TOX: variants seen among roughly 807,000 people sequenced by gnomAD.
TOX encodes the protein thymocyte selection associated high mobility group box, also known as thymocyte selection-associated high mobility group box protein TOX.
A neutral mutation model predicts 53.7 loss-of-function variants in TOX; 11 were observed. The ratio of observed to expected loss-of-function variants is 0.20; its 90% confidence interval spans 0.13 to 0.34. The LOEUF (loss-of-function observed/expected upper bound fraction) is 0.34. Ranked by LOEUF, TOX falls within the 10% of genes least tolerant of loss-of-function variation. The probability of loss-of-function intolerance (pLI) is 1.00; values close to 1 mark genes in which losing one functional copy is unlikely to be tolerated. For missense variants in TOX, 570 were observed against 664.6 expected (o/e 0.86, Z 1.56); for synonymous variants, 225 against 245.3 (o/e 0.92, Z 0.77).
chr8:59,075,066 T>C (rs1444628895), intron 1 of TOX, among the ~76,000 whole-genome samples: 1 of 152,036 alleles, frequency 6.6e-6, no homozygotes, highest in Non-Finnish European at 1.5e-5. Flanking sequence ...GTAAGACAAA[T>C]TGACAAAATG....
rs561507729 is a variant in TOX at position 58,937,170 on chromosome 8, G to T, written c.411+2132C>A. Among the ~76,000 whole-genome samples, 4 of 152,192 alleles carry T rather than the reference G, an allele frequency of 2.6e-5. 1 individual carries two copies. Among genetic ancestry groups the T allele is most frequent in the African/African-American group, 9.7e-5 (4 of 41,450 alleles). The stretch of plus-strand genomic sequence containing the variant: ...ATGTAGCTTGAGGGGTACTGGGAAG[G>T]CTTGCCACCCTATGAAAATCCCAAA... On this transcript the variant is annotated intron_variant, in intron 3 of 8. Transcript: ENST00000361421.
chr8:59,027,057 T>C (rs1307085893), intron 1 of TOX, among the ~76,000 whole-genome samples: 1 of 152,162 alleles, frequency 6.6e-6, no homozygotes, highest in Non-Finnish European at 1.5e-5. Flanking sequence ...GTTTGCACCT[T>C]TGCATCCCTT....
chr8:58,808,287 T>C lies in TOX; in HGVS notation c.1393-18A>G, dbSNP rs1481903757. ...GTAAATCCCTGAAAGGGAAAGCAAG[T>C]CCGCAAATAAGGATCAAAATGCATT... On this transcript the variant is annotated intron_variant, in intron 7 of 8. Transcript: ENST00000361421. The C allele has an allele frequency of 5.7e-6, 9 of 1,590,448 alleles. No homozygotes were observed. In the Middle Eastern group the frequency reaches 5.0e-4, roughly 89 times the overall value.
intron 1 of TOX, among the ~76,000 whole-genome samples, chr8:59,056,643 C>T (rs1362402093): frequency 6.6e-6 from 1 of 152,068 alleles, no homozygotes. Flanking sequence ...ATTCAGTAGT[C>T]TGTGTCATTC....
At chr8:58,874,828 C>T (rs1811257746) in intron 3 of TOX, among the ~76,000 whole-genome samples, 1 of 152,100 alleles carries the variant, frequency 6.6e-6, no homozygotes, top group Admixed American at 6.5e-5. Flanking sequence ...TTTGGCTTCC[C>T]CAGGCCACAT....
At chr8:58,850,252 A>G (rs755099586) in intron 4 of TOX, among the ~76,000 whole-genome samples, 19 of 152,172 alleles carry the variant, frequency 1.2e-4, no homozygotes, top group Non-Finnish European at 2.6e-4. Flanking sequence ...TGTGAGGAAG[A>G]AGTTTCCATT....
intron 1 of TOX, among the ~76,000 whole-genome samples, chr8:58,988,553 A>AAG (rs1813379853): frequency 6.6e-6 from 1 of 152,242 alleles, no homozygotes; most frequent in Non-Finnish European, 1.5e-5. Context: ...AACAAGTCAC[A>AAG]TTTGTTAATC....
intron 4 of TOX, among the ~76,000 whole-genome samples, chr8:58,846,996 G>T (rs1585857737): frequency 6.6e-6 from 1 of 152,214 alleles, no homozygotes; most frequent in East Asian, 1.9e-4. Flanking sequence ...GCCAGCATTT[G>T]CAAGATTTGT....
rs138286523 is a variant in TOX at position 58,889,461 on chromosome 8, G to C, written c.412-37656C>G. On this transcript the variant is annotated intron_variant, in intron 3 of 8. Coordinates refer to ENST00000361421, the MANE Select transcript of TOX (RefSeq NM_014729.3). ...TAAGAATCTGTAAGCTCTGGAGGGA[G>C]AGAGAAGAAACCAAGTCTGTGGCTA... Among the ~76,000 whole-genome samples the C allele has an allele frequency of 1.6e-3, 238 of 152,126 alleles. 2 individuals carry two copies. Among genetic ancestry groups the C allele is most frequent in the African/African-American group, 5.5e-3 (229 of 41,534 alleles).
At chr8:58,834,323 C>G (rs1217665441) in intron 5 of TOX, among the ~76,000 whole-genome samples, 1 of 152,174 alleles carries the variant, frequency 6.6e-6, no homozygotes, top group East Asian at 1.9e-4. Context: ...CCGGAACCAG[C>G]TGCCTACACA....
chr8:59,021,983 A>G (rs561713033), intron 1 of TOX, among the ~76,000 whole-genome samples: 123 of 152,276 alleles, frequency 8.1e-4, no homozygotes, highest in African/African-American at 2.4e-3. Context: ...ATGTAATGTT[A>G]TTTTTTGTTA....
intron 1 of TOX, among the ~76,000 whole-genome samples, chr8:58,994,884 T>C (rs1813530264): frequency 6.6e-6 from 1 of 152,222 alleles, no homozygotes. Context: ...ATTAGCTTTC[T>C]GTTCACTTCA....
At chr8:59,019,001 G>A (rs1352702939) in intron 1 of TOX, among the ~76,000 whole-genome samples, 1 of 152,098 alleles carries the variant, frequency 6.6e-6, no homozygotes, top group Non-Finnish European at 1.5e-5. Flanking sequence ...CTTGTAGCCT[G>A]GGTAATCACT....
At chr8:58,952,521 T>C (rs777219416) in intron 2 of TOX, among the ~76,000 whole-genome samples, 1 of 152,188 alleles carries the variant, frequency 6.6e-6, no homozygotes, top group African/African-American at 2.4e-5. Context: ...ACAAGCCAAA[T>C]GGCTGCTTTC....
At chr8:59,050,213 G>A (rs1389271626) in intron 1 of TOX, among the ~76,000 whole-genome samples, 3 of 152,054 alleles carry the variant, frequency 2.0e-5, no homozygotes, top group East Asian at 3.9e-4. Flanking sequence ...TATCCAGTCA[G>A]AATTAACACC....
intron 3 of TOX, among the ~76,000 whole-genome samples, chr8:58,882,901 A>G (rs1811407216): frequency 6.6e-6 from 1 of 152,248 alleles, no homozygotes; most frequent in Non-Finnish European, 1.5e-5. Flanking sequence ...TCTAGAATTC[A>G]TTAGAGACAT....
Position 58,815,379 on chromosome 8 carries a change from T to A in TOX, c.1351A>T (p.Met451Leu). 2 of 1,611,986 alleles carry A rather than the reference T, an allele frequency of 1.2e-6. No homozygotes were observed. The highest frequency in any genetic ancestry group is 1.7e-6 in the Non-Finnish European group (2 of 1,179,070). ...MQQPLGNQLP[M>L]QVQSALHSPT... Reference sequence around the variant, plus strand: ...GAGTGTAAGGCAGACTGGACCTGCATGGGGAGCTGGTTCCCAAGGGGCTGC... The same window carrying A: ...GAGTGTAAGGCAGACTGGACCTGCAAGGGGAGCTGGTTCCCAAGGGGCTGC... The change falls in exon 7 of 9, where the codon ATG (methionine) becomes TTG (leucine). Residue 451 changes from methionine to leucine, a missense_variant. Coordinates refer to ENST00000361421, the MANE Select transcript of TOX (RefSeq NM_014729.3).
At chr8:58,914,184 T>A (rs1384541811) in intron 3 of TOX, among the ~76,000 whole-genome samples, 1 of 152,050 alleles carries the variant, frequency 6.6e-6, no homozygotes, top group Non-Finnish European at 1.5e-5. Context: ...CCAAAGAGAG[T>A]CAGAACAGGT....
intron 1 of TOX, among the ~76,000 whole-genome samples, chr8:58,974,788 C>T (rs911665979): frequency 3.9e-5 from 6 of 152,216 alleles, no homozygotes; most frequent in Non-Finnish European, 8.8e-5. Context: ...TCTATTTATC[C>T]TTTCATGCGA....
Sources: gnomAD v4.1 joint callset for allele counts (sites outside exome capture counted in the v4.1 genomes callset) on GRCh38, gnomAD v4.1.1 for gene constraint, MANE v1.5 for transcripts, NCBI Gene and HGNC (gene_info 2026-07-23, HGNC 2026-07-21) for gene names.